Variants in FRMD3 observed in about 807,000 individuals in gnomAD.
FRMD3 encodes FERM domain containing 3.
In FRMD3, 33 loss-of-function variants were observed where a neutral mutation model predicts 70.2. The observed-to-expected ratio is 0.47, with a 90% CI of 0.36 to 0.63. The LOEUF (loss-of-function observed/expected upper bound fraction) is 0.63, where lower values mean the gene tolerates loss of function less well. Ranked by LOEUF, FRMD3 falls within the 20% of genes least tolerant of loss-of-function variation. FRMD3 has a pLI of 0.00. For missense variants in FRMD3, 632 were observed against 711.4 expected, an observed-to-expected ratio of 0.89 and a Z score of 1.27; for synonymous variants, 279 against 255.9, an observed-to-expected ratio of 1.09 and a Z score of -0.86.
intron 13 of FRMD3, among the ~76,000 whole-genome samples, chr9:83,275,189 T>TGGAGGTCAGGATCACGGAGA (rs1563988676): frequency 4.6e-5 from 7 of 152,320 alleles, no homozygotes; most frequent in Non-Finnish European, 2.9e-5. Flanking sequence ...GCCGTCGGCA[T>TGGAGGTCAGGATCACGGAGA]GGAGGTCAGG....
At chr9:83,443,435 C>A (rs377340203) in intron 1 of FRMD3, among the ~76,000 whole-genome samples, 1 of 152,166 alleles carries the variant, frequency 6.6e-6, no homozygotes, top group African/African-American at 2.4e-5. Flanking sequence ...ATGATGGTTT[C>A]CAGCTTCACC....
chr9:83,580,204 A>G, the FRMD3 span, among the ~76,000 whole-genome samples: 1 of 152,242 alleles, frequency 6.6e-6, no homozygotes, highest in South Asian at 2.1e-4. Context: ...TGGTATAGCC[A>G]TCATGAAAAA....
Position 83,247,294 on chromosome 9 carries a change from C to T in FRMD3, c.*624G>A, listed in dbSNP as rs1587607556. The T allele has an allele frequency of 1.0e-6, 1 of 984,366 alleles. No homozygotes were observed. The highest frequency in any genetic ancestry group is 1.2e-6 in the Non-Finnish European group (1 of 829,560). 61.0% of individuals were successfully genotyped at this position (984,366 alleles called of 1,614,324 possible). A position where few individuals can be genotyped will look rare whatever the true frequency, so the allele number is the denominator to read the frequency against. On this transcript the variant is annotated 3_prime_UTR_variant, in exon 14 of 14. Transcript: ENST00000304195. ...GTTCAGCCAAAAATATTTTTAAAAA[C>T]AAAGTAGCGCCAAAACATTAAAAAA... is the stretch of plus-strand genomic sequence containing the variant.
At chr9:83,255,637 G>A (rs1331449700) in intron 13 of FRMD3, among the ~76,000 whole-genome samples, 1 of 152,058 alleles carries the variant, frequency 6.6e-6, no homozygotes, top group Non-Finnish European at 1.5e-5. Flanking sequence ...CATCGTCTCA[G>A]CCCCAAATCT....
At chr9:83,560,826 C>T in the FRMD3 span, among the ~76,000 whole-genome samples, 2 of 152,186 alleles carry the variant, frequency 1.3e-5, no homozygotes, top group African/African-American at 2.4e-5. Context: ...ATATGGAAGC[C>T]ACCCAGCTTT....
At chr9:83,513,174 G>A (rs1434950147) in intron 1 of FRMD3, among the ~76,000 whole-genome samples, 3 of 152,232 alleles carry the variant, frequency 2.0e-5, no homozygotes, top group African/African-American at 7.2e-5. Context: ...ATCTGGAAGT[G>A]TGAGCCAACC....
intron 10 of FRMD3, among the ~76,000 whole-genome samples, chr9:83,307,143 A>G (rs1293351859): frequency 6.6e-6 from 1 of 152,222 alleles, no homozygotes; most frequent in African/African-American, 2.4e-5. Flanking sequence ...ATATGCAAGA[A>G]AATATTCACT....
chr9:83,534,830 G>T (rs1449568638), intron 1 of FRMD3, among the ~76,000 whole-genome samples: 1 of 152,186 alleles, frequency 6.6e-6, no homozygotes, highest in Non-Finnish European at 1.5e-5. Flanking sequence ...AGCCTCCCTG[G>T]AAGACCCAGG....
chr9:83,440,997 A>C (rs1175212762), intron 1 of FRMD3, among the ~76,000 whole-genome samples: 1 of 152,186 alleles, frequency 6.6e-6, no homozygotes, highest in African/African-American at 2.4e-5. Context: ...AGAGCCAGTG[A>C]GAGACTCACC....
chr9:83,456,856 T>C, intron 1 of FRMD3, among the ~76,000 whole-genome samples: 1 of 152,024 alleles, frequency 6.6e-6, no homozygotes, highest in Non-Finnish European at 1.5e-5. Context: ...GGCATATACC[T>C]GTAGTCCCAG....
At position 83,341,419 on chromosome 9, in the gene FRMD3, G is replaced by A. The variant is rs79217319; in HGVS notation, c.472+1771C>T. Among the ~76,000 whole-genome samples the A allele has an allele frequency of 2.1e-4, 32 of 152,144 alleles. No homozygotes were observed. The East Asian group carries it at 5.8e-3, about 28-fold the overall frequency. Reference sequence around the variant, plus strand: ...GAGCTTTCCATTATAGATCCATATTGAGCATGTCCTTGGAGAATTGATGGT... The same window carrying A: ...GAGCTTTCCATTATAGATCCATATTAAGCATGTCCTTGGAGAATTGATGGT... On this transcript the variant is annotated intron_variant, in intron 5 of 13. Transcript: ENST00000304195.
intron 3 of FRMD3, among the ~76,000 whole-genome samples, chr9:83,365,442 C>T (rs1240189806): frequency 6.6e-6 from 1 of 151,832 alleles, no homozygotes; most frequent in African/African-American, 2.4e-5. Context: ...TACTTTTTCC[C>T]CATTACATTT....
intron 1 of FRMD3, among the ~76,000 whole-genome samples, chr9:83,507,062 T>C (rs1323358098): frequency 5.3e-5 from 8 of 152,200 alleles, no homozygotes; most frequent in Admixed American, 4.6e-4. Context: ...TGTCATCTCC[T>C]ATGATAACAA....
intron 1 of FRMD3, among the ~76,000 whole-genome samples, chr9:83,438,982 C>A (rs1827219904): frequency 6.6e-6 from 1 of 152,162 alleles, no homozygotes; most frequent in African/African-American, 2.4e-5. Flanking sequence ...AAAACCCTCA[C>A]CTCTTTTGCA....
At chr9:83,341,357 G>T (rs1283130925) in intron 5 of FRMD3, among the ~76,000 whole-genome samples, 1 of 152,142 alleles carries the variant, frequency 6.6e-6, no homozygotes, top group Admixed American at 6.5e-5. Flanking sequence ...CTGGATGGAG[G>T]CTCCGTGGCT....
chr9:83,253,765 G>A (rs1832541213), intron 13 of FRMD3, among the ~76,000 whole-genome samples: 1 of 152,102 alleles, frequency 6.6e-6, no homozygotes, highest in Non-Finnish European at 1.5e-5. Context: ...CCATTATTGG[G>A]TATATACCCA....
Position 83,422,580 on chromosome 9 carries a change from TC to T in FRMD3, c.148-32873del, listed in dbSNP as rs1826676820. On this transcript the variant is annotated intron_variant, in intron 1 of 13. Coordinates refer to ENST00000304195, the MANE Select transcript of FRMD3 (RefSeq NM_174938.6). ...TTTCCTCTCATAGCAAGCTTCATTTTCCTTCACCAAATGGCTCTTCAATCTC... is the reference window on the plus strand; with the variant it reads ...TTTCCTCTCATAGCAAGCTTCATTTTCTTCACCAAATGGCTCTTCAATCTC... 2.0e-5 allele frequency among the ~76,000 whole-genome samples: 3 copies of T among 152,236 alleles called. No homozygotes were observed. The South Asian group carries it at 6.2e-4, about 31-fold the overall frequency.
At chr9:83,458,337 A>T (rs530380630) in intron 1 of FRMD3, among the ~76,000 whole-genome samples, 1 of 152,250 alleles carries the variant, frequency 6.6e-6, no homozygotes, top group African/African-American at 2.4e-5. Flanking sequence ...ACAAGCATTA[A>T]GTAAAGGTAC....
At chr9:83,356,270 C>CTTTTTTTTTTTTTTTTTTT (rs1824332411) in intron 3 of FRMD3, among the ~76,000 whole-genome samples, 1 of 114,922 alleles carries the variant, frequency 8.7e-6, no homozygotes, top group African/African-American at 3.5e-5. Context: ...CACTCAGCAG[C>CTTTTTTTTTTTTTTTTTTT]ATTTTTTTTT....
Sources: allele counts gnomAD v4.1 joint callset (sites outside exome capture counted in the v4.1 genomes callset), GRCh38; gene constraint gnomAD v4.1.1; transcripts MANE v1.5; gene names NCBI Gene and HGNC (gene_info 2026-07-23, HGNC 2026-07-21).